GALNTL6: variants seen among roughly 807,000 people sequenced by gnomAD.
GALNTL6 encodes polypeptide N-acetylgalactosaminyltransferase like 6, also known as polypeptide N-acetylgalactosaminyltransferase-like 6.
A neutral mutation model predicts 73.7 loss-of-function variants in GALNTL6; 46 were observed. That is an observed-to-expected ratio of 0.62 (90% CI 0.49 to 0.80). The LOEUF is 0.80. Ranked by LOEUF, GALNTL6 falls within the 30% of genes least tolerant of loss-of-function variation. The pLI, the probability that GALNTL6 is intolerant of heterozygous loss-of-function variation, is 0.00. For missense variants in GALNTL6, 604 were observed against 755.0 expected (o/e 0.80, Z 2.34); for synonymous variants, 259 against 263.7 (o/e 0.98, Z 0.17).
At chr4:172,567,738 A>C (rs1736610772) in intron 5 of GALNTL6, among the ~76,000 whole-genome samples, 1 of 152,170 alleles carries the variant, frequency 6.6e-6, no homozygotes, top group Non-Finnish European at 1.5e-5. Context: ...TGAGAAGCTG[A>C]GGCACAAGAA....
intron 5 of GALNTL6, among the ~76,000 whole-genome samples, chr4:172,396,411 A>G (rs906286489): frequency 6.7e-5 from 10 of 149,982 alleles, no homozygotes; most frequent in African/African-American, 2.2e-4. Context: ...GAGATCTACT[A>G]TTTATTTTTG....
intron 5 of GALNTL6, among the ~76,000 whole-genome samples, chr4:172,400,649 CAGG>C (rs1418392926): frequency 1.3e-5 from 2 of 152,076 alleles, no homozygotes; most frequent in East Asian, 3.9e-4. Context: ...GATAGAGGAG[CAGG>C]AGAAGTGAAG....
intron 2 of GALNTL6, among the ~76,000 whole-genome samples, chr4:172,078,718 G>A (rs1046280908): frequency 1.3e-5 from 2 of 152,086 alleles, no homozygotes; most frequent in African/African-American, 4.8e-5. Flanking sequence ...TATAGTCAAT[G>A]TTGATTCATG....
At chr4:172,586,833 G>A (rs1737429158) in intron 5 of GALNTL6, among the ~76,000 whole-genome samples, 1 of 152,204 alleles carries the variant, frequency 6.6e-6, no homozygotes, top group African/African-American at 2.4e-5. Context: ...TATTGTGTAA[G>A]TAGGCTTCCA....
intron 5 of GALNTL6, among the ~76,000 whole-genome samples, chr4:172,521,990 T>C (rs1489009400): frequency 6.6e-6 from 1 of 152,192 alleles, no homozygotes; most frequent in East Asian, 1.9e-4. Flanking sequence ...CCAAAAGGAC[T>C]GAAATTAAGT....
chr4:172,030,908 A>G (rs1741748462), intron 2 of GALNTL6, among the ~76,000 whole-genome samples: 1 of 152,000 alleles, frequency 6.6e-6, no homozygotes, highest in Non-Finnish European at 1.5e-5. Flanking sequence ...ATAAACTCGC[A>G]GTCTTAAAAT....
chr4:172,549,357 A>G (rs1735879936), intron 5 of GALNTL6, among the ~76,000 whole-genome samples: 1 of 152,192 alleles, frequency 6.6e-6, no homozygotes, highest in African/African-American at 2.4e-5. Context: ...AGCAGTTTAA[A>G]CTTCCTAACC....
chr4:172,122,573 G>T (rs1365473612), intron 2 of GALNTL6, among the ~76,000 whole-genome samples: 1 of 152,176 alleles, frequency 6.6e-6, no homozygotes, highest in African/African-American at 2.4e-5. Flanking sequence ...AATGGGAGGG[G>T]AATGGAGTTT....
intron 2 of GALNTL6, among the ~76,000 whole-genome samples, chr4:171,885,698 GT>G (rs1419228041): frequency 6.6e-6 from 1 of 152,082 alleles, no homozygotes; most frequent in Non-Finnish European, 1.5e-5. Flanking sequence ...CCCAGCTACT[GT>G]GGGGCTGAGG....
At chr4:171,942,814 G>A (rs910604092) in intron 2 of GALNTL6, among the ~76,000 whole-genome samples, 1 of 152,174 alleles carries the variant, frequency 6.6e-6, no homozygotes, top group Non-Finnish European at 1.5e-5. Flanking sequence ...TGTCTGATGT[G>A]ATGGTTGTTT....
chr4:171,816,040 A>G (rs1560799270), intron 2 of GALNTL6: 1 of 152,150 alleles, frequency 6.6e-6, no homozygotes, highest in African/African-American at 2.4e-5. Context: ...CATTCCAGTG[A>G]AAAAAAGAAG....
chr4:172,752,683 T>C (rs1221189403), intron 5 of GALNTL6, among the ~76,000 whole-genome samples: 1 of 152,180 alleles, frequency 6.6e-6, no homozygotes, highest in African/African-American at 2.4e-5. Flanking sequence ...GGAATAACTA[T>C]GTTCAACATT....
At chr4:172,554,775 C>T (rs1736083510) in intron 5 of GALNTL6, among the ~76,000 whole-genome samples, 2 of 152,138 alleles carry the variant, frequency 1.3e-5, no homozygotes, top group Admixed American at 1.3e-4. Flanking sequence ...TCATACAAAT[C>T]CATTGTATGG....
At chr4:172,564,288 G>A (rs1211306097) in intron 5 of GALNTL6, among the ~76,000 whole-genome samples, 2 of 152,106 alleles carry the variant, frequency 1.3e-5, no homozygotes, top group Non-Finnish European at 2.9e-5. Flanking sequence ...GTCCAATCAT[G>A]TTGAGAAGAA....
At chr4:171,907,953 T>C (rs1737347144) in intron 2 of GALNTL6, among the ~76,000 whole-genome samples, 1 of 151,998 alleles carries the variant, frequency 6.6e-6, no homozygotes, top group South Asian at 2.1e-4. Context: ...TGTAGAAAGC[T>C]GAAACTGGAT....
intron 10 of GALNTL6, among the ~76,000 whole-genome samples, chr4:172,967,286 G>A (rs973926485): frequency 6.6e-6 from 1 of 152,072 alleles, no homozygotes; most frequent in African/African-American, 2.4e-5. Flanking sequence ...TTGCCCAGTC[G>A]AAATGATGCC....
At chr4:172,310,120 A>T (rs1740299012) in intron 3 of GALNTL6, among the ~76,000 whole-genome samples, 1 of 152,182 alleles carries the variant, frequency 6.6e-6, no homozygotes, top group South Asian at 2.1e-4. Context: ...ATGGCTTTGC[A>T]TATATTAAAA....
At position 172,093,517 on chromosome 4, in the gene GALNTL6, C is replaced by A. The variant is rs909302137; in HGVS notation, c.139-136139C>A. On this transcript the variant is annotated intron_variant, in intron 2 of 12. Coordinates refer to ENST00000506823, the MANE Select transcript of GALNTL6 (RefSeq NM_001034845.3). Reference sequence around the variant, plus strand: ...AGATCTGGGGTCTTCAAACCCTGGGCCACAGACTGGTACCATGGCCTGTTA... The same window carrying A: ...AGATCTGGGGTCTTCAAACCCTGGGACACAGACTGGTACCATGGCCTGTTA... Among the ~76,000 whole-genome samples, 4 of 152,068 alleles carry A rather than the reference C, an allele frequency of 2.6e-5. No homozygotes were observed. The East Asian group carries it at 5.8e-4, about 22-fold the overall frequency.
At chr4:172,512,986 G>A (rs1734477472) in intron 5 of GALNTL6, among the ~76,000 whole-genome samples, 1 of 151,896 alleles carries the variant, frequency 6.6e-6, no homozygotes. Flanking sequence ...CTTGTATTTG[G>A]ATGCCTAAAT....
Sources: gnomAD v4.1 joint callset for allele counts (sites outside exome capture counted in the v4.1 genomes callset) on GRCh38, gnomAD v4.1.1 for gene constraint, MANE v1.5 for transcripts, NCBI Gene and HGNC (gene_info 2026-07-23, HGNC 2026-07-21) for gene names.